MEIS1: variants seen among roughly 807,000 people sequenced by gnomAD.
The protein encoded by MEIS1 is Meis homeobox 1, also known as homeobox protein Meis1.
In MEIS1, 5 loss-of-function variants were observed where a neutral mutation model predicts 50.8. The observed-to-expected ratio is 0.10, with a 90% CI of 0.05 to 0.21. The LOEUF (loss-of-function observed/expected upper bound fraction) is 0.21. MEIS1 is among the 10% of genes least tolerant of loss of function. MEIS1 has a pLI of 1.00. For synonymous variants in MEIS1, 176 were observed against 179.3 expected, an observed-to-expected ratio of 0.98 and a Z score of 0.15; for missense variants, 318 against 517.3, an observed-to-expected ratio of 0.61 and a Z score of 3.74.
chr2:66,518,487 A>G (rs1393335433), intron 8 of MEIS1, among the ~76,000 whole-genome samples: 2 of 152,258 alleles, frequency 1.3e-5, no homozygotes, highest in Admixed American at 1.3e-4. Flanking sequence ...GTGTAAAACA[A>G]AAGTGCCCAT....
At chr2:66,512,043 A>T in intron 7 of MEIS1, 106 bp from the exon 8 acceptor site, 3 of 1,243,716 alleles carry the variant, frequency 2.4e-6, no homozygotes, top group Non-Finnish European at 3.2e-6. Flanking sequence ...GAAACTATTA[A>T]TCATTTAAAT....
intron 7 of MEIS1, among the ~76,000 whole-genome samples, chr2:66,481,016 A>C (rs1489366394): frequency 6.6e-6 from 1 of 151,922 alleles, no homozygotes; most frequent in Non-Finnish European, 1.5e-5. Context: ...AAAAACAAAA[A>C]AACAAAAAAA....
chr2:66,516,591 G>A (rs933066588), intron 8 of MEIS1, among the ~76,000 whole-genome samples: 1 of 152,062 alleles, frequency 6.6e-6, no homozygotes, highest in African/African-American at 2.4e-5. Flanking sequence ...GTGTGTGTGT[G>A]TGTGTGTGTG....
In MEIS1 at chr2:66,462,731, T is replaced by G. The variant is rs1276131048; in HGVS notation, c.631-1378T>G. 2.6e-5 allele frequency among the ~76,000 whole-genome samples: 4 copies of G among 152,264 alleles called. No individual in the cohort carries two copies. The East Asian group carries it at 5.8e-4, about 22-fold the overall frequency. The stretch of plus-strand genomic sequence containing the variant: ...AATGCGTGTGTGCAAAAAGCACTTC[T>G]TTCACAGTTCACATATCTTTCAATC... On this transcript the variant is annotated intron_variant, in intron 6 of 12. Transcript: ENST00000272369.
chr2:66,470,035 T>C (rs60605687), intron 7 of MEIS1, among the ~76,000 whole-genome samples: 9,321 of 152,246 alleles, frequency 0.061, 953 homozygotes, highest in African/African-American at 0.21. Flanking sequence ...ATTTTTATTT[T>C]TTGTTGTTTC....
chr2:66,457,322 G>A (rs1298236588), intron 6 of MEIS1, among the ~76,000 whole-genome samples: 1 of 152,056 alleles, frequency 6.6e-6, no homozygotes, highest in Non-Finnish European at 1.5e-5. Flanking sequence ...TGGGTTGAAT[G>A]ATTATATGCT....
chr2:66,532,984 C>T (rs1674431121), intron 8 of MEIS1, among the ~76,000 whole-genome samples: 1 of 152,028 alleles, frequency 6.6e-6, no homozygotes, highest in Admixed American at 6.5e-5. Flanking sequence ...TAATTATAAC[C>T]ATTGATGAGC....
At chr2:66,454,108 C>T (rs1341773380) in intron 6 of MEIS1, among the ~76,000 whole-genome samples, 1 of 152,006 alleles carries the variant, frequency 6.6e-6, no homozygotes, top group African/African-American at 2.4e-5. Context: ...TAACAGTACC[C>T]ACTTTATTGA....
intron 6 of MEIS1, among the ~76,000 whole-genome samples, chr2:66,444,685 T>C (rs1672086076): frequency 6.6e-6 from 1 of 152,160 alleles, no homozygotes. Flanking sequence ...GCCTCACGTC[T>C]GGTTCAGCCC....
At chr2:66,529,174 T>C (rs1674328741) in intron 8 of MEIS1, among the ~76,000 whole-genome samples, 1 of 152,196 alleles carries the variant, frequency 6.6e-6, no homozygotes, top group Non-Finnish European at 1.5e-5. Context: ...TTGATGAGAC[T>C]CTGATAGGGA....
At chr2:66,480,063 G>C (rs1158633734) in intron 7 of MEIS1, among the ~76,000 whole-genome samples, 1 of 152,144 alleles carries the variant, frequency 6.6e-6, no homozygotes, top group Non-Finnish European at 1.5e-5. Flanking sequence ...TAGGTTCCTG[G>C]AGTGATAAGA....
intron 6 of MEIS1, among the ~76,000 whole-genome samples, chr2:66,446,865 G>C (rs1313251752): frequency 6.6e-6 from 1 of 152,264 alleles, no homozygotes; most frequent in Admixed American, 6.5e-5. Context: ...GGCCCGGTGC[G>C]CTTTGGTTCC....
chr2:66,439,054 G>C (rs1347950832), intron 2 of MEIS1: 1 of 151,734 alleles, frequency 6.6e-6, no homozygotes. Flanking sequence ...ATTAGAAGAA[G>C]CTTTTCTTTC....
rs571532716 is a variant in MEIS1, at chr2:66,444,401, C to T, written c.630+1353C>T. On this transcript the variant is annotated intron_variant, in intron 6 of 12. Transcript: ENST00000272369. ...TCTTATGGTTTTCTTCTCTCAACAT[C>T]ATCCTCTTAAAATACATTCTCAGCT... Among the ~76,000 whole-genome samples, 5 of 152,374 alleles carry T rather than the reference C, an allele frequency of 3.3e-5. No homozygotes were observed. The South Asian group carries it at 1.0e-3, about 32-fold the overall frequency.
chr2:66,452,252 C>T (rs951746959), intron 6 of MEIS1, among the ~76,000 whole-genome samples: 1 of 151,862 alleles, frequency 6.6e-6, no homozygotes, highest in African/African-American at 2.4e-5. Flanking sequence ...TCAAATTGCT[C>T]CTTCCTAAGA....
At chr2:66,556,390 A>G (rs949734586) in intron 9 of MEIS1, among the ~76,000 whole-genome samples, 1 of 151,804 alleles carries the variant, frequency 6.6e-6, no homozygotes, top group African/African-American at 2.4e-5. Flanking sequence ...AAACACATTA[A>G]CTCCTCCAGG....
chr2:66,506,810 T>G (rs1244423311), intron 7 of MEIS1, among the ~76,000 whole-genome samples: 2 of 152,172 alleles, frequency 1.3e-5, no homozygotes, highest in Non-Finnish European at 2.9e-5. Context: ...TCTGGCTAAC[T>G]AGACTTAACC....
intron 7 of MEIS1, among the ~76,000 whole-genome samples, chr2:66,474,985 G>A (rs1202667121): frequency 6.6e-6 from 1 of 151,844 alleles, no homozygotes; most frequent in Admixed American, 6.6e-5. Context: ...CTTGTTGCTA[G>A]GTTATTAGCA....
At chr2:66,504,098 G>A (rs1673630103) in intron 7 of MEIS1, among the ~76,000 whole-genome samples, 2 of 151,938 alleles carry the variant, frequency 1.3e-5, no homozygotes, top group South Asian at 4.2e-4. Flanking sequence ...AGGAGGGGGA[G>A]CAGTAAATTC....
Sources: gnomAD v4.1 joint callset for allele counts (sites outside exome capture counted in the v4.1 genomes callset) on GRCh38, gnomAD v4.1.1 for gene constraint, MANE v1.5 for transcripts, NCBI Gene and HGNC (gene_info 2026-07-23, HGNC 2026-07-21) for gene names.